The following ALK variants were observed in gnomAD, a reference collection of about 807,000 sequenced individuals.
ALK encodes ALK receptor tyrosine kinase.
A neutral mutation model predicts 163.1 loss-of-function variants in ALK; 74 were observed. The observed-to-expected ratio is 0.45, with a 90% CI of 0.38 to 0.55. The LOEUF (loss-of-function observed/expected upper bound fraction) is 0.55. Ranked by LOEUF, ALK falls within the 20% of genes least tolerant of loss-of-function variation. The pLI, the probability that ALK is intolerant of heterozygous loss-of-function variation, is 0.00. For synonymous variants in ALK, 960 were observed against 843.2 expected (o/e 1.14, Z -2.40); for missense variants, 2,063 against 2,105.3 (o/e 0.98, Z 0.39).
intron 3 of ALK, among the ~76,000 whole-genome samples, chr2:29,685,858 T>A (rs760370412): frequency 5.3e-4 from 80 of 152,202 alleles, no homozygotes; most frequent in Non-Finnish European, 1.0e-3. Context: ...GTCCTCTTCT[T>A]TCCCAGCCCT....
chr2:29,260,064 A>G (rs530103548), intron 11 of ALK, among the ~76,000 whole-genome samples: 88 of 152,302 alleles, frequency 5.8e-4, no homozygotes, highest in Non-Finnish European at 1.0e-3. Flanking sequence ...TTTTCATTTT[A>G]AAAAATTTCC....
intron 3 of ALK, among the ~76,000 whole-genome samples, chr2:29,600,666 G>A (rs907303457): frequency 6.6e-6 from 1 of 152,174 alleles, no homozygotes; most frequent in African/African-American, 2.4e-5. Context: ...TTGCATGGTG[G>A]GGGTGGCCCT....
At chr2:29,517,397 TA>T (rs1482541841) in intron 4 of ALK, among the ~76,000 whole-genome samples, 1 of 152,124 alleles carries the variant, frequency 6.6e-6, no homozygotes, top group Non-Finnish European at 1.5e-5. Context: ...ATAGACGGAA[TA>T]GATTCAAGCA....
intron 1 of ALK, among the ~76,000 whole-genome samples, chr2:29,722,964 C>G (rs1679463214): frequency 1.3e-5 from 2 of 152,214 alleles, no homozygotes. Context: ...ATCAGCAAAT[C>G]TTGATGGCTC....
chr2:29,365,327 A>C (rs1053678242), intron 5 of ALK, among the ~76,000 whole-genome samples: 1 of 152,204 alleles, frequency 6.6e-6, no homozygotes, highest in Non-Finnish European at 1.5e-5. Flanking sequence ...AGGGAGATGA[A>C]ATGAGATTTG....
At chr2:29,916,170 C>T (rs962411964) in intron 1 of ALK, among the ~76,000 whole-genome samples, 1 of 152,220 alleles carries the variant, frequency 6.6e-6, no homozygotes, top group Non-Finnish European at 1.5e-5. Context: ...CCTGACTCCC[C>T]ACTCCATTGG....
At chr2:29,743,095 GTA>G (rs1328867684) in intron 1 of ALK, among the ~76,000 whole-genome samples, 1 of 152,176 alleles carries the variant, frequency 6.6e-6, no homozygotes, top group Non-Finnish European at 1.5e-5. Context: ...TGGGCTCTTG[GTA>G]TTTACTTTTT....
At chr2:29,286,312 C>A (rs931506443) in intron 9 of ALK, 2 of 152,200 alleles carry the variant, frequency 1.3e-5, no homozygotes, top group East Asian at 3.8e-4. Context: ...TGTTTGCCGA[C>A]AATGTGTCAG....
At chr2:29,585,295 CA>C (rs1021071214) in intron 3 of ALK, among the ~76,000 whole-genome samples, 4 of 152,104 alleles carry the variant, frequency 2.6e-5, no homozygotes, top group African/African-American at 9.7e-5. Context: ...GAAAGTTATG[CA>C]GTTAATATTT....
chr2:29,709,493 T>C (rs1679010562), intron 2 of ALK, among the ~76,000 whole-genome samples: 1 of 152,170 alleles, frequency 6.6e-6, no homozygotes, highest in Non-Finnish European at 1.5e-5. Context: ...AGAGAAGTAC[T>C]AGGTGTGCAA....
At position 29,223,478 on chromosome 2, in the gene ALK, T is replaced by C. The variant is rs758372744; in HGVS notation, c.3223A>G (p.Ser1075Gly). The C allele has an allele frequency of 6.2e-7, 1 of 1,614,170 alleles. No individual in the cohort carries two copies. The highest frequency in any genetic ancestry group is 8.5e-7 in the Non-Finnish European group (1 of 1,180,040). The change falls in exon 20 of 29, where the codon AGC (serine) becomes GGC (glycine). Residue 1075 changes from serine to glycine, a missense_variant. This residue lies in a region of ALK where 575 missense variants were observed against 626.6 expected (regional missense o/e 0.92). Transcript: ENST00000389048. ...AGCTTGCTCAGCTTGTACTCAGGGC[T>C]CTGCAGCTCCATCTGCATGGCTTGC... ...ELQAMQMELQSPEYKLSKLRT... is the reference protein window; with the variant it reads ...ELQAMQMELQGPEYKLSKLRT...
chr2:29,211,084 G>GACTT (rs1669454608), intron 24 of ALK, among the ~76,000 whole-genome samples: 1 of 152,142 alleles, frequency 6.6e-6, no homozygotes, highest in Non-Finnish European at 1.5e-5. Context: ...GTTGAGAAAG[G>GACTT]ACTTAGAGAA....
chr2:29,919,443 G>T (rs1432522713), intron 1 of ALK, among the ~76,000 whole-genome samples: 1 of 151,916 alleles, frequency 6.6e-6, no homozygotes, highest in African/African-American at 2.4e-5. Context: ...GGTGGGAGGG[G>T]GAGAATAAAT....
chr2:29,653,062 T>C (rs1026066617), intron 3 of ALK, among the ~76,000 whole-genome samples: 6 of 152,120 alleles, frequency 3.9e-5, no homozygotes, highest in Admixed American at 3.3e-4. Flanking sequence ...GACTGATCCC[T>C]CAACCAGTGG....
chr2:29,325,599 T>C (rs187957691), intron 6 of ALK, among the ~76,000 whole-genome samples: 2 of 152,180 alleles, frequency 1.3e-5, no homozygotes, highest in Non-Finnish European at 1.5e-5. Flanking sequence ...GTGCTTATCA[T>C]AGCTAAGTGC....
At chr2:29,250,956 T>C in intron 12 of ALK, 149 bp downstream of exon 12, 2 of 726,784 alleles carry the variant, frequency 2.8e-6, no homozygotes, top group Non-Finnish European at 4.4e-6. Flanking sequence ...TCTCCCCATC[T>C]CCAACCTTTA....
At chr2:29,300,991 ACTAAAAAGC>A (rs1013871062) in intron 8 of ALK, among the ~76,000 whole-genome samples, 6 of 152,204 alleles carry the variant, frequency 3.9e-5, no homozygotes, top group African/African-American at 1.4e-4. Context: ...CATGCTGATT[ACTAAAAAGC>A]CTGTGTTTTG....
intron 11 of ALK, among the ~76,000 whole-genome samples, chr2:29,258,594 C>A (rs981512283): frequency 6.6e-6 from 1 of 152,148 alleles, no homozygotes; most frequent in African/African-American, 2.4e-5. Context: ...TGAAGCTGGC[C>A]AATTAACTGT....
At chr2:29,247,677 C>T (rs1664717343) in intron 12 of ALK, among the ~76,000 whole-genome samples, 1 of 152,166 alleles carries the variant, frequency 6.6e-6, no homozygotes, top group South Asian at 2.1e-4. Context: ...CTGGAGGAGG[C>T]CCCAGGCAAT....
Sources: gnomAD v4.1 joint callset for allele counts (sites outside exome capture counted in the v4.1 genomes callset) on GRCh38, gnomAD v4.1.1 for gene constraint, gnomAD v4.1.1 regional missense constraint, MANE v1.5 for transcripts, NCBI Gene and HGNC (gene_info 2026-07-23, HGNC 2026-07-21) for gene names.